PCNX1: variants seen among roughly 807,000 people sequenced by gnomAD.
PCNX1 encodes pecanex-like protein 1.
A neutral mutation model predicts 242.2 loss-of-function variants in PCNX1; 78 were observed. The ratio of observed to expected loss-of-function variants is 0.32; its 90% CI spans 0.27 to 0.39. The LOEUF is 0.39. Ranked by LOEUF, PCNX1 falls within the 10% of genes least tolerant of loss-of-function variation. PCNX1 has a pLI of 1.00. For synonymous variants in PCNX1, 1,024 were observed against 1,032.9 expected (o/e 0.99, Z 0.17); for missense variants, 2,581 against 2,856.5 (o/e 0.90, Z 2.20).
chr14:70,916,631 A>G (rs2056163050), intron 1 of PCNX1, among the ~76,000 whole-genome samples: 1 of 152,208 alleles, frequency 6.6e-6, no homozygotes, highest in East Asian at 1.9e-4. Context: ...ATTAAAAAAT[A>G]CATTATTGCT....
intron 2 of PCNX1, among the ~76,000 whole-genome samples, chr14:70,957,756 G>A (rs954747619): frequency 2.0e-5 from 3 of 152,114 alleles, no homozygotes; most frequent in Admixed American, 6.5e-5. Context: ...TTAAAAGGGT[G>A]AACTGTACGA....
intron 12 of PCNX1, among the ~76,000 whole-genome samples, chr14:71,019,985 A>G (rs35719396): frequency 0.074 from 10,543 of 141,680 alleles, 480 homozygotes; most frequent in East Asian, 0.28. Context: ...CCTTGTGTCC[A>G]TGTGTTCTCA....
At chr14:70,937,864 G>T (rs2057074249) in intron 1 of PCNX1, among the ~76,000 whole-genome samples, 1 of 152,084 alleles carries the variant, frequency 6.6e-6, no homozygotes, top group Non-Finnish European at 1.5e-5. Flanking sequence ...CTTGTAAGTT[G>T]GATTCCAAGG....
chr14:71,053,898 T>C (rs1312684362), intron 24 of PCNX1, among the ~76,000 whole-genome samples: 1 of 152,194 alleles, frequency 6.6e-6, no homozygotes. Flanking sequence ...GACAGCTGGA[T>C]TCTTGTATCT....
chr14:70,934,631 A>G (rs909822841), intron 1 of PCNX1, among the ~76,000 whole-genome samples: 1 of 152,172 alleles, frequency 6.6e-6, no homozygotes, highest in Non-Finnish European at 1.5e-5. Context: ...GTGTTGAAAT[A>G]TTCACATTGA....
Position 71,047,996 on chromosome 14 carries a change from C to G in PCNX1, c.4338+12C>G. On this transcript the variant is annotated intron_variant, in intron 22 of 35. Transcript: ENST00000304743. The stretch of plus-strand genomic sequence containing the variant: ...TACTCTTCAACAAGGTAATTTATCA[C>G]TGAAAGGAATATCCTTATCTATAAA... The G allele has an allele frequency of 6.3e-7, 1 of 1,591,022 alleles. No homozygotes were observed. The highest frequency in any genetic ancestry group is 8.6e-7 in the Non-Finnish European group (1 of 1,162,014).
chr14:71,000,448 T>C (rs559820146), intron 8 of PCNX1, among the ~76,000 whole-genome samples: 43 of 152,300 alleles, frequency 2.8e-4, no homozygotes, highest in African/African-American at 1.0e-3. Context: ...GTGACTTTTG[T>C]GCTACTGTTT....
rs369931505 is a variant in PCNX1 at position 71,103,674 on chromosome 14, G to A, written c.6095+5G>A. On this transcript the variant is annotated splice_donor_5th_base_variant and intron_variant, in intron 32 of 35. Transcript: ENST00000304743. ...CATAGTGTCAACCTGGCACAGGTGA[G>A]CCAAGGGATTGTATTATTCAGTGCT... The A allele has an allele frequency of 6.2e-7, 1 of 1,613,408 alleles. No individual in the cohort carries two copies. Among genetic ancestry groups the A allele is most frequent in the Non-Finnish European group, 8.5e-7 (1 of 1,179,734 alleles).
chr14:70,973,112 G>A (rs1003738042), intron 5 of PCNX1, among the ~76,000 whole-genome samples: 2 of 151,896 alleles, frequency 1.3e-5, no homozygotes, highest in Non-Finnish European at 2.9e-5. Flanking sequence ...AAATTACCTG[G>A]GTGTGGTGCA....
intron 30 of PCNX1, among the ~76,000 whole-genome samples, chr14:71,098,509 C>CGTGTGTGTGTGTGT (rs3221474): frequency 6.4e-4 from 82 of 128,676 alleles, no homozygotes; most frequent in Non-Finnish European, 9.0e-4. Flanking sequence ...TAGATGTATT[C>CGTGTGTGTGTGTGT]GTGTGTGTGT....
At chr14:70,996,044 T>C (rs1011124097) in intron 8 of PCNX1, 119 bp downstream of exon 8, 33 of 711,392 alleles carry the variant, frequency 4.6e-5, no homozygotes, top group Non-Finnish European at 6.6e-5. Flanking sequence ...GGAGCACTTT[T>C]TACATAGGAT....
Position 70,977,878 on chromosome 14 carries a change from AAGAAG to A in PCNX1, c.1549_1553del (p.Lys517Ter), listed in dbSNP as rs779114285. The A allele has an allele frequency of 1.2e-6, 2 of 1,614,074 alleles. No homozygotes were observed. The highest frequency in any genetic ancestry group is 2.2e-5 in the South Asian group (2 of 91,076). On this transcript the variant is annotated frameshift_variant, in exon 6 of 36. Transcript: ENST00000304743. LOFTEE classifies it high-confidence loss of function. ...CCACCTGGGAACACTGCAGAAAACAAAGAAGAGAAGAGTGATAAGTCAGCTGTTTC... is the reference window on the plus strand; with the variant it reads ...CCACCTGGGAACACTGCAGAAAACAAAGAAGAGTGATAAGTCAGCTGTTTC...
At chr14:71,039,729 A>G (rs1035921951) in intron 19 of PCNX1, among the ~76,000 whole-genome samples, 3 of 152,178 alleles carry the variant, frequency 2.0e-5, no homozygotes, top group Non-Finnish European at 2.9e-5. Context: ...TGCAAAGTGC[A>G]CATACCCTCT....
At chr14:71,083,544 G>A (rs747135388) in intron 28 of PCNX1, among the ~76,000 whole-genome samples, 16 of 151,818 alleles carry the variant, frequency 1.1e-4, no homozygotes, top group African/African-American at 2.2e-4. Flanking sequence ...GGCTTTGTTC[G>A]TTCCTTTTCA....
intron 30 of PCNX1, among the ~76,000 whole-genome samples, chr14:71,099,518 G>C (rs145703842): frequency 1.2e-3 from 177 of 151,628 alleles, no homozygotes; most frequent in Non-Finnish European, 1.8e-3. Flanking sequence ...TCGATCATAG[G>C]GTATGTTCTG....
At chr14:71,036,428 C>A (rs1454416267) in intron 19 of PCNX1, among the ~76,000 whole-genome samples, 1 of 152,120 alleles carries the variant, frequency 6.6e-6, no homozygotes, top group African/African-American at 2.4e-5. Context: ...TTCTCCTGCC[C>A]CAGTCTCCCA....
intron 1 of PCNX1, among the ~76,000 whole-genome samples, chr14:70,930,407 A>G (rs556354122): frequency 6.6e-6 from 1 of 152,104 alleles, no homozygotes; most frequent in South Asian, 2.1e-4. Flanking sequence ...TGCATGTGCT[A>G]TGTTATTTTA....
At chr14:71,034,291 T>C (rs2060470593) in intron 18 of PCNX1, among the ~76,000 whole-genome samples, 2 of 152,162 alleles carry the variant, frequency 1.3e-5, no homozygotes, top group Non-Finnish European at 2.9e-5. Flanking sequence ...ATTAAGTCAT[T>C]TCATTGGCCA....
intron 1 of PCNX1, among the ~76,000 whole-genome samples, chr14:70,916,162 C>A (rs1304367695): frequency 6.6e-6 from 1 of 152,164 alleles, no homozygotes; most frequent in East Asian, 1.9e-4. Context: ...GAAAAGTGAA[C>A]TATCAAGGGA....
Sources: allele counts gnomAD v4.1 joint callset (sites outside exome capture counted in the v4.1 genomes callset), GRCh38; gene constraint gnomAD v4.1.1; transcripts MANE v1.5; gene names NCBI Gene and HGNC (gene_info 2026-07-23, HGNC 2026-07-21).